The following ARHGEF4 variants were observed in gnomAD, a reference collection of about 807,000 sequenced individuals.
ARHGEF4 encodes Rho guanine nucleotide exchange factor 4, also known as APC-stimulated guanine nucleotide exchange factor 1.
Under a neutral mutation model 162.0 loss-of-function variants are expected in ARHGEF4, and 119 were observed. That is an observed-to-expected ratio of 0.73 (90% CI 0.63 to 0.86). The LOEUF (loss-of-function observed/expected upper bound fraction) is 0.86, where lower values mean the gene tolerates loss of function less well. ARHGEF4 is among the 40% of genes least tolerant of loss of function. ARHGEF4 has a pLI of 0.00. For missense variants in ARHGEF4, 2,488 were observed against 2,456.0 expected (o/e 1.01, Z -0.28); for synonymous variants, 1,014 against 979.9 (o/e 1.03, Z -0.65).
Position 130,931,129 on chromosome 2 carries a change from A to G in ARHGEF4, c.3730A>G (p.Ile1244Val). 6.2e-7 allele frequency: 1 copy of G among 1,614,216 alleles called. No homozygotes were observed. The highest frequency in any genetic ancestry group is 1.1e-5 in the South Asian group (1 of 91,080). The part of the protein sequence containing the change: ...RGEAPSQPRG[I>V]PHRSPVSVDD... ...GGAGGCTCCTTCACAGCCTAGGGGC[A>G]TCCCTCACCGCTCGCCCGTCAGTGT... Residue 1244 changes from isoleucine to valine, a missense_variant, in exon 3 of 14, where the codon ATC becomes GTC. Ile to Val is a conservative substitution (Grantham distance 29). This residue lies in a region of ARHGEF4 where 1,642 missense variants were observed against 1,481.5 expected (regional missense o/e 1.11). Transcript: ENST00000409359.
intron 2 of ARHGEF4, among the ~76,000 whole-genome samples, chr2:130,929,158 C>T (rs1440135503): frequency 6.6e-6 from 1 of 152,186 alleles, no homozygotes; most frequent in Non-Finnish European, 1.5e-5. Flanking sequence ...AAGAAACCAG[C>T]TGTTTCTGAT....
chr2:130,839,793 C>A (rs1680481243), intron 1 of ARHGEF4, among the ~76,000 whole-genome samples: 1 of 152,168 alleles, frequency 6.6e-6, no homozygotes, highest in Non-Finnish European at 1.5e-5. Flanking sequence ...GACAGCTGGA[C>A]CCCCTGCTGC....
intron 4 of ARHGEF4, among the ~76,000 whole-genome samples, chr2:131,019,403 ACT>A (rs1388557309): frequency 1.3e-5 from 2 of 150,850 alleles, no homozygotes; most frequent in Non-Finnish European, 3.0e-5. Flanking sequence ...CAAGAGTGAA[ACT>A]CTGTCTCAAA....
chr2:131,017,728 A>C (rs1688857688), intron 4 of ARHGEF4, among the ~76,000 whole-genome samples: 1 of 152,204 alleles, frequency 6.6e-6, no homozygotes, highest in Non-Finnish European at 1.5e-5. Context: ...TATGCTATTC[A>C]CGGATCAAAT....
chr2:130,960,288 T>C (rs1684552755), intron 4 of ARHGEF4, among the ~76,000 whole-genome samples: 1 of 152,212 alleles, frequency 6.6e-6, no homozygotes, highest in South Asian at 2.1e-4. Flanking sequence ...CTTATACAAG[T>C]GTACCATTAC....
intron 3 of ARHGEF4, among the ~76,000 whole-genome samples, chr2:130,934,341 T>C (rs1682813678): frequency 6.6e-6 from 1 of 152,206 alleles, no homozygotes. Flanking sequence ...CTCTCTCCTC[T>C]TCTATTTTTT....
chr2:131,027,153 A>C (rs1442264831), intron 4 of ARHGEF4, among the ~76,000 whole-genome samples: 1 of 152,164 alleles, frequency 6.6e-6, no homozygotes, highest in Non-Finnish European at 1.5e-5. Flanking sequence ...GGAATGACCC[A>C]CCCTGCTCCA....
intron 6 of ARHGEF4, 116 bp from the exon 7 acceptor site, chr2:131,039,900 C>T: frequency 1.4e-6 from 2 of 1,460,214 alleles, no homozygotes; most frequent in South Asian, 1.4e-5. Flanking sequence ...GTCCTCAGCC[C>T]TGCGCCCCGT....
intron 3 of ARHGEF4, among the ~76,000 whole-genome samples, chr2:130,933,214 CAAAA>C (rs34411956): frequency 1.2e-4 from 16 of 136,564 alleles, no homozygotes; most frequent in Non-Finnish European, 1.9e-4. Flanking sequence ...GACCCTGTCT[CAAAA>C]AAAAAAAAAA....
chr2:131,021,296 A>G (rs1206333728), intron 4 of ARHGEF4, among the ~76,000 whole-genome samples: 2 of 152,156 alleles, frequency 1.3e-5, no homozygotes, highest in Non-Finnish European at 2.9e-5. Context: ...AGACCAATGG[A>G]ACAGAACAGA....
intron 4 of ARHGEF4, among the ~76,000 whole-genome samples, chr2:130,951,978 T>G (rs1465800525): frequency 1.3e-5 from 2 of 152,230 alleles, no homozygotes; most frequent in East Asian, 3.8e-4. Flanking sequence ...TATGCTGTTA[T>G]TGACATATAT....
intron 4 of ARHGEF4, among the ~76,000 whole-genome samples, chr2:130,979,735 A>AAG (rs1491222082): frequency 1.8e-4 from 2 of 10,910 alleles, no homozygotes; most frequent in Non-Finnish European, 2.3e-3. Context: ...GACTCCATCT[A>AAG]AAAAAAAAAA....
At chr2:130,945,303 G>A (rs1313709293) in intron 3 of ARHGEF4, among the ~76,000 whole-genome samples, 1 of 152,056 alleles carries the variant, frequency 6.6e-6, no homozygotes, top group African/African-American at 2.4e-5. Flanking sequence ...CTGCAACTGT[G>A]TCTGCCTCTG....
rs1401985036 is a variant in ARHGEF4 at position 130,915,554 on chromosome 2, G to C, written c.1608G>C (p.Trp536Cys). ...RQPSSEGTQV[W>C]SGDLMGCLEV... is the part of the protein sequence containing the mutation. The stretch of plus-strand genomic sequence containing the variant: ...CTAGCAGTGAGGGGACCCAGGTGTG[G>C]AGTGGAGACTTGATGGGCTGCTTGG... Residue 536 changes from tryptophan (W) to cysteine (C), a missense_variant, in exon 2 of 14, where the codon TGG becomes TGC. Trp to Cys is a radical substitution (Grantham distance 215). Transcript: ENST00000409359. The C allele has an allele frequency of 1.5e-5, 24 of 1,550,482 alleles. No homozygotes were observed. The highest frequency in any genetic ancestry group is 2.1e-5 in the Non-Finnish European group (24 of 1,147,010).
rs943250462 is a variant in ARHGEF4, at chr2:130,915,381, G to T, written c.1435G>T (p.Ala479Ser). The change falls in exon 2 of 14, where the codon GCA (alanine) becomes TCA (serine). Residue 479 changes from alanine to serine, a missense_variant. Ala to Ser is a moderately conservative substitution (Grantham distance 99). Transcript: ENST00000409359. ...RTQEPQGTQL[A>S]PRAADERETQ... ...CCAGGAACCCCAAGGCACCCAACTC[G>T]CACCAAGAGCTGCTGATGAGAGAGA... is the stretch of plus-strand genomic sequence containing the variant. 6.4e-7 allele frequency: 1 copy of T among 1,550,612 alleles called. No homozygotes were observed. Among genetic ancestry groups the T allele is most frequent in the Admixed American group, 2.0e-5 (1 of 50,996 alleles).
At chr2:130,971,169 CT>C (rs969424872) in intron 4 of ARHGEF4, among the ~76,000 whole-genome samples, 1 of 152,136 alleles carries the variant, frequency 6.6e-6, no homozygotes, top group African/African-American at 2.4e-5. Flanking sequence ...GTTAAAAAGA[CT>C]TTTTTTCTCC....
intron 1 of ARHGEF4, among the ~76,000 whole-genome samples, chr2:130,869,350 G>C (rs1054118035): frequency 6.6e-6 from 1 of 152,136 alleles, no homozygotes; most frequent in Non-Finnish European, 1.5e-5. Context: ...ACTTGGAGCC[G>C]GATAGATGTG....
At chr2:131,034,874 C>CCCGCCG (rs1049221508) in intron 5 of ARHGEF4, 31 of 635,284 alleles carry the variant, frequency 4.9e-5, no homozygotes, top group African/African-American at 3.2e-4. Context: ...GCCTCTCCAG[C>CCCGCCG]CCGCCGCCGC....
chr2:131,000,779 C>T (rs555226792), intron 4 of ARHGEF4, among the ~76,000 whole-genome samples: 1 of 151,882 alleles, frequency 6.6e-6, no homozygotes, highest in East Asian at 1.9e-4. Flanking sequence ...AATATATAAG[C>T]TTTAAAATAA....
Sources: allele counts gnomAD v4.1 joint callset (sites outside exome capture counted in the v4.1 genomes callset), GRCh38; gene constraint gnomAD v4.1.1; regional missense constraint gnomAD v4.1.1; transcripts MANE v1.5; gene names NCBI Gene and HGNC (gene_info 2026-07-23, HGNC 2026-07-21).